ATXN1: variants seen among roughly 807,000 people sequenced by gnomAD.
ATXN1 encodes the protein ataxin 1.
Under a neutral mutation model 56.4 loss-of-function variants are expected in ATXN1, and 8 were observed. The observed-to-expected ratio is 0.14, with a 90% CI of 0.08 to 0.26. The LOEUF is 0.26. ATXN1 is among the 10% of genes least tolerant of loss of function. ATXN1 has a pLI of 1.00. For synonymous variants in ATXN1, 514 were observed against 494.6 expected, an observed-to-expected ratio of 1.04 and a Z score of -0.52; for missense variants, 987 against 1,106.5, an observed-to-expected ratio of 0.89 and a Z score of 1.53.
intron 6 of ATXN1, among the ~76,000 whole-genome samples, chr6:16,457,830 CAAAGA>C (rs1759910176): frequency 6.6e-6 from 1 of 152,152 alleles, no homozygotes; most frequent in Non-Finnish European, 1.5e-5. Flanking sequence ...AGGAAACAAG[CAAAGA>C]AATTTCCAAA....
At chr6:16,677,791 G>C (rs1299564711) in intron 2 of ATXN1, among the ~76,000 whole-genome samples, 2 of 152,138 alleles carry the variant, frequency 1.3e-5, no homozygotes, top group Non-Finnish European at 2.9e-5. Flanking sequence ...ATGAAATTCA[G>C]ATATAATTGT....
At chr6:16,381,424 G>A (rs1758113584) in intron 6 of ATXN1, among the ~76,000 whole-genome samples, 1 of 152,164 alleles carries the variant, frequency 6.6e-6, no homozygotes. Flanking sequence ...CATCTTCACA[G>A]GGAGCATGGC....
chr6:16,327,206 C>T lies in ATXN1; in HGVS notation c.1105G>A (p.Asp369Asn), dbSNP rs758326425. The T allele has an allele frequency of 4.3e-6, 7 of 1,613,854 alleles. No homozygotes were observed. Among genetic ancestry groups the T allele is most frequent in the Non-Finnish European group, 5.9e-6 (7 of 1,179,884 alleles). Residue 369 changes from aspartate (D) to asparagine (N), a missense_variant, in exon 7 of 8, where the codon GAC becomes AAC. Asp to Asn is a conservative substitution (Grantham distance 23). This residue lies in a region of ATXN1 where 723 missense variants were observed against 791.7 expected (regional missense o/e 0.91). Coordinates refer to ENST00000436367, the MANE Select transcript of ATXN1 (RefSeq NM_001128164.2). ...RHVVVHPSPS[D>N]YSSRDPSGVR... ...CCCGAAGGATCACGACTGCTGTAGT[C>T]TGAGGGGCTCGGGTGGACCACCACG...
intron 6 of ATXN1, among the ~76,000 whole-genome samples, chr6:16,351,625 ACTCTTGGGCT>A (rs1761569529): frequency 6.6e-6 from 1 of 150,554 alleles, no homozygotes; most frequent in South Asian, 2.1e-4. Flanking sequence ...CTTGTCTTGA[ACTCTTGGGCT>A]CAAGAGATCT....
At chr6:16,325,022 A>T (rs1421355040) in intron 7 of ATXN1, among the ~76,000 whole-genome samples, 2 of 152,094 alleles carry the variant, frequency 1.3e-5, no homozygotes, top group East Asian at 3.9e-4. Flanking sequence ...GCTAATTCCT[A>T]GGAGCCTGAC....
intron 5 of ATXN1, among the ~76,000 whole-genome samples, chr6:16,493,674 TTAAC>T (rs899526950): frequency 1.3e-5 from 2 of 152,164 alleles, no homozygotes; most frequent in Non-Finnish European, 2.9e-5. Context: ...TATTTGTTGA[TTAAC>T]TGATTGATAA....
At chr6:16,466,907 A>G (rs1017488646) in intron 6 of ATXN1, among the ~76,000 whole-genome samples, 3 of 152,240 alleles carry the variant, frequency 2.0e-5, no homozygotes, top group Non-Finnish European at 4.4e-5. Context: ...TTTCCATCTC[A>G]TAACTCAAGT....
intron 2 of ATXN1, among the ~76,000 whole-genome samples, chr6:16,730,468 T>G (rs1759944754): frequency 1.5e-5 from 2 of 137,402 alleles, no homozygotes; most frequent in South Asian, 2.3e-4. Context: ...CTTTCTGGAG[T>G]TAAAGGGTAA....
chr6:16,681,789 A>AT (rs1332849933), intron 2 of ATXN1, among the ~76,000 whole-genome samples: 5 of 152,250 alleles, frequency 3.3e-5, no homozygotes, highest in African/African-American at 1.2e-4. Flanking sequence ...TACAGAGAGC[A>AT]TTTACAGTGA....
chr6:16,359,844 C>T (rs950738469), intron 6 of ATXN1, among the ~76,000 whole-genome samples: 7 of 152,006 alleles, frequency 4.6e-5, no homozygotes, highest in South Asian at 2.1e-4. Context: ...TATGTTCTCA[C>T]GCATAAGTGG....
At chr6:16,531,547 T>C (rs1761503666) in intron 4 of ATXN1, among the ~76,000 whole-genome samples, 2 of 149,128 alleles carry the variant, frequency 1.3e-5, no homozygotes, top group Non-Finnish European at 3.0e-5. Flanking sequence ...TGCTTGAACC[T>C]GGGATGTGGA....
At chr6:16,388,732 T>C (rs1330679364) in intron 6 of ATXN1, among the ~76,000 whole-genome samples, 1 of 152,202 alleles carries the variant, frequency 6.6e-6, no homozygotes, top group African/African-American at 2.4e-5. Context: ...ATGTGACCTT[T>C]AGTGACTTGT....
intron 2 of ATXN1, among the ~76,000 whole-genome samples, chr6:16,722,693 T>C (rs375970547): frequency 2.0e-5 from 3 of 152,226 alleles, no homozygotes; most frequent in African/African-American, 4.8e-5. Context: ...TGAGTCATGA[T>C]AGTAATCAAA....
chr6:16,309,926 C>T (rs1561845117), intron 7 of ATXN1, among the ~76,000 whole-genome samples: 4 of 151,878 alleles, frequency 2.6e-5, no homozygotes, highest in South Asian at 2.1e-4. Flanking sequence ...CCCAGCTACT[C>T]GGGGGGCTGA....
intron 2 of ATXN1, among the ~76,000 whole-genome samples, chr6:16,685,528 A>G (rs145580481): frequency 2.0e-4 from 30 of 152,316 alleles, no homozygotes; most frequent in African/African-American, 6.7e-4. Flanking sequence ...TTTAAAGTTG[A>G]CTTCTTACAT....
At chr6:16,666,594 C>T (rs549124536) in intron 2 of ATXN1, 1 of 152,534 alleles carries the variant, frequency 6.6e-6, no homozygotes, top group African/African-American at 2.4e-5. Context: ...CAACCTCTGA[C>T]TCCCTGGTTC....
chr6:16,414,772 G>A (rs936879388), intron 6 of ATXN1, among the ~76,000 whole-genome samples: 1 of 152,200 alleles, frequency 6.6e-6, no homozygotes, highest in African/African-American at 2.4e-5. Context: ...ACAATTTGTA[G>A]CATCTGAAAG....
At chr6:16,369,678 TGATAA>T (rs1762000066) in intron 6 of ATXN1, among the ~76,000 whole-genome samples, 1 of 152,236 alleles carries the variant, frequency 6.6e-6, no homozygotes. Flanking sequence ...TAAGCATCTC[TGATAA>T]TATCCAACAT....
At chr6:16,384,773 A>G (rs1758204065) in intron 6 of ATXN1, among the ~76,000 whole-genome samples, 2 of 152,164 alleles carry the variant, frequency 1.3e-5, no homozygotes, top group African/African-American at 4.8e-5. Flanking sequence ...TCCTTCTGCC[A>G]TGATTGTAAG....
Sources: allele counts gnomAD v4.1 joint callset (sites outside exome capture counted in the v4.1 genomes callset), GRCh38; gene constraint gnomAD v4.1.1; regional missense constraint gnomAD v4.1.1; transcripts MANE v1.5; gene names NCBI Gene and HGNC (gene_info 2026-07-23, HGNC 2026-07-21).